Variants in PCSK5 observed in about 807,000 individuals in gnomAD.
PCSK5 encodes proprotein convertase subtilisin/kexin type 5, also known as prohormone convertase 5.
In PCSK5, 129 loss-of-function variants were observed where a neutral mutation model predicts 233.2. The ratio of observed to expected loss-of-function variants is 0.55; its 90% CI spans 0.48 to 0.64. The LOEUF (loss-of-function observed/expected upper bound fraction) is 0.64. Among genes scored for constraint, PCSK5 ranks in the 30% least tolerant of loss-of-function variants. The pLI is 0.00. For missense variants in PCSK5, 2,076 were observed against 2,430.1 expected, an observed-to-expected ratio of 0.85 and a Z score of 3.06; for synonymous variants, 825 against 879.2, an observed-to-expected ratio of 0.94 and a Z score of 1.09.
chr9:76,188,361 G>A (rs1298400895), intron 17 of PCSK5, among the ~76,000 whole-genome samples: 2 of 152,286 alleles, frequency 1.3e-5, no homozygotes, highest in African/African-American at 4.8e-5. Context: ...AGCAGCGTGT[G>A]TGTATGCTAC....
intron 24 of PCSK5, among the ~76,000 whole-genome samples, chr9:76,256,715 A>C (rs1826994174): frequency 6.6e-6 from 1 of 152,250 alleles, no homozygotes; most frequent in Admixed American, 6.5e-5. Flanking sequence ...AGAAAAATAA[A>C]AATGAGTCTG....
At chr9:76,039,214 C>T (rs75631049) in intron 5 of PCSK5, among the ~76,000 whole-genome samples, 98 of 152,184 alleles carry the variant, frequency 6.4e-4, no homozygotes, top group African/African-American at 2.2e-3. Flanking sequence ...AGTTAGAATC[C>T]GCACTGTAAA....
At chr9:76,257,755 C>T (rs960093084) in intron 24 of PCSK5, among the ~76,000 whole-genome samples, 4 of 152,180 alleles carry the variant, frequency 2.6e-5, no homozygotes, top group African/African-American at 7.2e-5. Flanking sequence ...CAAATTGAAG[C>T]AGTGGAAGGC....
intron 5 of PCSK5, among the ~76,000 whole-genome samples, chr9:76,046,180 T>TG (rs1829379355): frequency 2.4e-5 from 3 of 122,820 alleles, no homozygotes; most frequent in Admixed American, 8.2e-5. Flanking sequence ...TTTTTTTTTT[T>TG]TTTTTTTTTT....
At chr9:76,183,281 G>T (rs10746994) in intron 16 of PCSK5, among the ~76,000 whole-genome samples, 3 of 151,974 alleles carry the variant, frequency 2.0e-5, no homozygotes, top group Admixed American at 6.6e-5. Flanking sequence ...TCAGCTACCA[G>T]GAAGTGTTGA....
intron 30 of PCSK5, among the ~76,000 whole-genome samples, chr9:76,314,797 T>C (rs913202297): frequency 1.4e-5 from 2 of 147,754 alleles, no homozygotes; most frequent in Non-Finnish European, 1.5e-5. Flanking sequence ...CCACCACACC[T>C]GGCTTATATT....
chr9:76,142,767 C>A (rs998856569), intron 10 of PCSK5, among the ~76,000 whole-genome samples: 1 of 152,146 alleles, frequency 6.6e-6, no homozygotes, highest in Non-Finnish European at 1.5e-5. Context: ...AATTTGGTCT[C>A]TAACACTTTC....
chr9:75,962,615 G>A (rs1444710726), intron 2 of PCSK5, among the ~76,000 whole-genome samples: 9 of 152,220 alleles, frequency 5.9e-5, no homozygotes, highest in African/African-American at 2.2e-4. Context: ...TTGAAAAGAG[G>A]CAGGCTGAAG....
At chr9:75,894,527 G>A (rs1302838673) in intron 1 of PCSK5, among the ~76,000 whole-genome samples, 3 of 152,154 alleles carry the variant, frequency 2.0e-5, no homozygotes, top group Non-Finnish European at 2.9e-5. Context: ...TTCACAAAAT[G>A]TTTATATTTT....
chr9:75,959,700 C>T (rs746492828), intron 2 of PCSK5, among the ~76,000 whole-genome samples: 18 of 152,174 alleles, frequency 1.2e-4, no homozygotes, highest in African/African-American at 1.9e-4. Flanking sequence ...AGATATTTGC[C>T]GGTGAAACTT....
intron 9 of PCSK5, among the ~76,000 whole-genome samples, chr9:76,117,206 A>G (rs1203072859): frequency 2.6e-5 from 4 of 152,106 alleles, no homozygotes; most frequent in African/African-American, 4.8e-5. Flanking sequence ...CAAAACATGC[A>G]TGGTCCTTGC....
At chr9:76,018,341 C>G (rs1299449583) in intron 3 of PCSK5, among the ~76,000 whole-genome samples, 1 of 152,166 alleles carries the variant, frequency 6.6e-6, no homozygotes, top group Non-Finnish European at 1.5e-5. Flanking sequence ...CCCCAAGCCC[C>G]GGGCTGCGGA....
intron 20 of PCSK5, among the ~76,000 whole-genome samples, chr9:76,190,736 G>T (rs1335242790): frequency 6.6e-6 from 1 of 152,178 alleles, no homozygotes; most frequent in African/African-American, 2.4e-5. Flanking sequence ...GAAAACCCAA[G>T]GTGTAGAGCT....
chr9:76,312,714 C>A (rs1468866380), intron 30 of PCSK5, among the ~76,000 whole-genome samples: 1 of 151,978 alleles, frequency 6.6e-6, no homozygotes, highest in Non-Finnish European at 1.5e-5. Context: ...AGATTTAGCA[C>A]CAACTAGGGG....
At chr9:76,286,627 A>T (rs1223318434) in intron 24 of PCSK5, 1 of 156,224 alleles carries the variant, frequency 6.4e-6, no homozygotes, top group Non-Finnish European at 1.4e-5. Flanking sequence ...CAAATCCTGG[A>T]GGTAGGGGCA....
chr9:75,953,043 CAA>C (rs1187462056), intron 2 of PCSK5, among the ~76,000 whole-genome samples: 3 of 152,128 alleles, frequency 2.0e-5, no homozygotes, highest in Non-Finnish European at 4.4e-5. Context: ...ACCTGGTTGA[CAA>C]TATATATTAC....
intron 5 of PCSK5, among the ~76,000 whole-genome samples, 172 bp from the exon 6 acceptor site, chr9:76,067,783 C>G (rs553641908): frequency 1.3e-5 from 2 of 152,266 alleles, no homozygotes; most frequent in East Asian, 3.9e-4. Context: ...CCAAAACAAT[C>G]TAATTAAGTG....
intron 30 of PCSK5, among the ~76,000 whole-genome samples, chr9:76,312,311 AC>A (rs1338120084): frequency 2.0e-5 from 3 of 152,134 alleles, no homozygotes; most frequent in African/African-American, 7.2e-5. Context: ...GGAGTTCAAA[AC>A]CAGCCTGACC....
At chr9:76,165,895 G>A (rs1000842708) in intron 12 of PCSK5, among the ~76,000 whole-genome samples, 5 of 151,722 alleles carry the variant, frequency 3.3e-5, no homozygotes, top group Admixed American at 6.6e-5. Context: ...TGGAATCTCC[G>A]TAGCAGGTGT....
Sources: gnomAD v4.1 joint callset for allele counts (sites outside exome capture counted in the v4.1 genomes callset) on GRCh38, gnomAD v4.1.1 for gene constraint, MANE v1.5 for transcripts, NCBI Gene and HGNC (gene_info 2026-07-23, HGNC 2026-07-21) for gene names.